The following KIAA1614 variants were observed in gnomAD, a reference collection of about 807,000 sequenced individuals.
KIAA1614 encodes the protein uncharacterized protein KIAA1614.
A neutral mutation model predicts 88.7 loss-of-function variants in KIAA1614; 76 were observed. The observed-to-expected ratio is 0.86, with a 90% CI of 0.71 to 1.04. The LOEUF is 1.04. Ranked by LOEUF, KIAA1614 falls within the 50% of genes least tolerant of loss-of-function variation. The pLI is 0.00. For synonymous variants in KIAA1614, 714 were observed against 675.5 expected, an observed-to-expected ratio of 1.06 and a Z score of -0.88; for missense variants, 1,553 against 1,582.5, an observed-to-expected ratio of 0.98 and a Z score of 0.32.
chr1:180,927,228 C>A (rs1218307045), intron 3 of KIAA1614, among the ~76,000 whole-genome samples: 1 of 152,136 alleles, frequency 6.6e-6, no homozygotes, highest in Non-Finnish European at 1.5e-5. Context: ...AGATCAGGAC[C>A]TGCTGGAGCC....
intron 3 of KIAA1614, among the ~76,000 whole-genome samples, chr1:180,925,680 G>A (rs1472077592): frequency 6.6e-6 from 1 of 152,226 alleles, no homozygotes; most frequent in African/African-American, 2.4e-5. Flanking sequence ...GGCCGAGACG[G>A]GAGTGCCCAG....
chr1:180,920,723 C>CG (rs386368886), intron 3 of KIAA1614, among the ~76,000 whole-genome samples: 1 of 104,092 alleles, frequency 9.6e-6, no homozygotes, highest in Non-Finnish European at 2.0e-5. Context: ...GGGCTGGGGG[C>CG]GGGCTGGGGC....
At chr1:180,937,414 G>A (rs1457604026) in intron 5 of KIAA1614, among the ~76,000 whole-genome samples, 3 of 152,236 alleles carry the variant, frequency 2.0e-5, no homozygotes, top group Non-Finnish European at 4.4e-5. Flanking sequence ...GCTGCTGAAG[G>A]GTGTGGGTCT....
In KIAA1614 at chr1:180,942,001, G is replaced by GC. The variant is rs755766194; in HGVS notation, c.3159+720dup. ...ACTCATCCATCTACTGCAGGCACAC[G>GC]CCCCTCAGGGAGCCGCTCCCAATCC... On this transcript the variant is annotated intron_variant, in intron 7 of 8. Coordinates refer to ENST00000367588, the MANE Select transcript of KIAA1614 (RefSeq NM_020950.2). Among the ~76,000 whole-genome samples the GC allele has an allele frequency of 8.5e-5, 13 of 152,098 alleles. No individual in the cohort carries two copies. In the South Asian group the frequency reaches 1.2e-3, roughly 15 times the overall value.
In KIAA1614 at chr1:180,946,854, A is replaced by C. The variant is rs1654607943; in HGVS notation, c.*1266A>C. ...GTGTTATAGATACGGGGGATACAGCAGTAAATGGAACAGACCAAATCCCTA... is the reference window on the plus strand; with the variant it reads ...GTGTTATAGATACGGGGGATACAGCCGTAAATGGAACAGACCAAATCCCTA... On this transcript the variant is annotated 3_prime_UTR_variant, in exon 9 of 9. Transcript: ENST00000367588. 6.6e-6 allele frequency: 1 copy of C among 152,302 alleles called. No individual in the cohort carries two copies. Among genetic ancestry groups the C allele is most frequent in the African/African-American group, 2.4e-5 (1 of 41,478 alleles). 9.4% of individuals were successfully genotyped at this position (152,302 alleles called of 1,614,324 possible).
At position 180,916,690 on chromosome 1, in the gene KIAA1614, A is replaced by G. The variant is rs913704069; in HGVS notation, c.587A>G (p.Asp196Gly). 3 of 1,610,234 alleles carry G rather than the reference A, an allele frequency of 1.9e-6. No homozygotes were observed. The highest frequency in any genetic ancestry group is 2.5e-6 in the Non-Finnish European group (3 of 1,177,922). The change falls in exon 2 of 9, where the codon GAC becomes GGC. Residue 196 changes from aspartate (D) to glycine (G), a missense_variant. Coordinates refer to ENST00000367588, the MANE Select transcript of KIAA1614 (RefSeq NM_020950.2). Reference sequence around the variant, plus strand: ...CCAGAAGCCGAATGGACACTTCCTGACCATGACAGAGGTCCGCTGCTGGGG... The same window carrying G: ...CCAGAAGCCGAATGGACACTTCCTGGCCATGACAGAGGTCCGCTGCTGGGG... Reference protein sequence around the residue: ...WPPEAEWTLPDHDRGPLLGPS... With the variant: ...WPPEAEWTLPGHDRGPLLGPS...
Position 180,936,387 on chromosome 1 carries a change from C to T in KIAA1614, c.2478C>T (p.Ala826=), listed in dbSNP as rs1654334429. ...TTSPVSHRKA[A]LAGLLRLGDQ... is the part of the protein sequence containing the mutation. ...CGCCAGTGTCTCACAGGAAGGCAGCCCTGGCTGGACTGCTCAGGCTGGGTG... is the reference window on the plus strand; with the variant it reads ...CGCCAGTGTCTCACAGGAAGGCAGCTCTGGCTGGACTGCTCAGGCTGGGTG... The change falls in exon 5 of 9, where the codon GCC becomes GCT. Residue 826 remains alanine (A), a synonymous_variant. Transcript: ENST00000367588. 6.2e-7 allele frequency: 1 copy of T among 1,614,228 alleles called. No homozygotes were observed. The highest frequency in any genetic ancestry group is 1.6e-4 in the Middle Eastern group (1 of 6,062).
At position 180,941,176 on chromosome 1, in the gene KIAA1614, C is replaced by G; in HGVS notation, c.3050C>G (p.Ser1017Cys). 8 of 1,613,856 alleles carry G rather than the reference C, an allele frequency of 5.0e-6. No homozygotes were observed. The highest frequency in any genetic ancestry group is 6.8e-6 in the Non-Finnish European group (8 of 1,179,962). ...CTCTTCTCAGCCCTGGGCCAGAGTT[C>G]CCGGCCCAAGCTGGGCAAGTCCCGC... ...KKLFSALGQS[S>C]RPKLGKSRSY... The change falls in exon 7 of 9, where the codon TCC becomes TGC. Residue 1017 changes from serine to cysteine, a missense_variant. Coordinates refer to ENST00000367588, the MANE Select transcript of KIAA1614 (RefSeq NM_020950.2).
At chr1:180,934,842 ACT>A (rs753886786) in intron 4 of KIAA1614, among the ~76,000 whole-genome samples, 21 of 152,070 alleles carry the variant, frequency 1.4e-4, no homozygotes, top group Non-Finnish European at 2.4e-4. Context: ...TTTCATCTTA[ACT>A]CAGGCTGAGC....
At chr1:180,921,218 C>CGG (rs61341839) in intron 3 of KIAA1614, among the ~76,000 whole-genome samples, 42 of 149,082 alleles carry the variant, frequency 2.8e-4, no homozygotes, top group African/African-American at 5.0e-4. Context: ...CGGGCAGGGG[C>CGG]GGGGGGTCAC....
intron 4 of KIAA1614, among the ~76,000 whole-genome samples, chr1:180,930,245 C>A (rs3845418): frequency 0.25 from 37,826 of 151,928 alleles, 4,855 homozygotes; most frequent in Middle Eastern, 0.3. Flanking sequence ...TGGTGAAACC[C>A]CGTCTCTACT....
rs1204273750 is a variant in KIAA1614 at position 180,935,043 on chromosome 1, G to A, written c.1206-72G>A. On this transcript the variant is annotated intron_variant, in intron 4 of 8. Coordinates refer to ENST00000367588, the MANE Select transcript of KIAA1614 (RefSeq NM_020950.2). This position sits in a 1 kb window ranked among gnomAD's most constrained non-coding sequence, Gnocchi z 6.1. ...GGAGACTGTAGCCCAGGGTGGAGAG[G>A]GTAGGGCCGATGCGTGTCCATACCT... is the stretch of plus-strand genomic sequence containing the variant. The A allele has an allele frequency of 3.6e-6, 4 of 1,112,444 alleles. No homozygotes were observed. Among genetic ancestry groups the A allele is most frequent in the Non-Finnish European group, 4.7e-6 (4 of 843,732 alleles). The allele number at this position is 1,112,444 out of a possible 1,614,324, so 68.9% of individuals were successfully genotyped here. A position where few individuals can be genotyped will look rare whatever the true frequency, so the allele number is the denominator to read the frequency against.
At chr1:180,924,886 A>AAATAAAT (rs1553258599) in intron 3 of KIAA1614, among the ~76,000 whole-genome samples, 2 of 142,640 alleles carry the variant, frequency 1.4e-5, no homozygotes, top group Admixed American at 1.4e-4. Flanking sequence ...GCTAATGATA[A>AAATAAAT]AATAATAATA....
At chr1:180,915,351 G>A (rs1346754108) in intron 1 of KIAA1614, among the ~76,000 whole-genome samples, 1 of 152,108 alleles carries the variant, frequency 6.6e-6, no homozygotes, top group Non-Finnish European at 1.5e-5. Context: ...ATCCTCATTG[G>A]CTCCCCTTGG....
intron 7 of KIAA1614, among the ~76,000 whole-genome samples, chr1:180,942,130 T>A (rs913831938): frequency 6.4e-5 from 9 of 141,188 alleles, no homozygotes; most frequent in Admixed American, 2.3e-4. Flanking sequence ...TTAGGCATCA[T>A]GTTTAGTTGG....
intron 4 of KIAA1614, among the ~76,000 whole-genome samples, chr1:180,929,740 C>G (rs1470861335): frequency 6.6e-6 from 1 of 152,240 alleles, no homozygotes; most frequent in African/African-American, 2.4e-5. Context: ...GATGAGGCCA[C>G]CAGGCTATGC....
chr1:180,919,171 C>T (rs1486904474), intron 3 of KIAA1614, among the ~76,000 whole-genome samples: 1 of 152,192 alleles, frequency 6.6e-6, no homozygotes. Context: ...CGTAGTCCTC[C>T]ACCCCCGCAC....
At chr1:180,914,914 G>A (rs1217045861) in intron 1 of KIAA1614, among the ~76,000 whole-genome samples, 2 of 151,918 alleles carry the variant, frequency 1.3e-5, no homozygotes, top group Admixed American at 1.3e-4. Context: ...GGATCCACCC[G>A]CCTCGGCCTC....
rs901536331 is a variant in KIAA1614, at chr1:180,928,553, C to T, written c.1185C>T (p.Pro395=). ...TCCGTGCCAGCCATGACATCGTGCCCACCATTACCCAGGGCAGCCGGTGAG... is the reference window on the plus strand; with the variant it reads ...TCCGTGCCAGCCATGACATCGTGCCTACCATTACCCAGGGCAGCCGGTGAG... The part of the protein sequence containing the change: ...RPLRASHDIV[P]TITQGSRDGH... Residue 395 remains proline, a synonymous_variant, in exon 4 of 9, where the codon CCC becomes CCT. Transcript: ENST00000367588. 4 of 1,612,606 alleles carry T rather than the reference C, an allele frequency of 2.5e-6. No homozygotes were observed. Among genetic ancestry groups the T allele is most frequent in the Non-Finnish European group, 3.4e-6 (4 of 1,179,702 alleles).
Sources: gnomAD v4.1 joint callset for allele counts (sites outside exome capture counted in the v4.1 genomes callset) on GRCh38, gnomAD v4.1.1 for gene constraint, Gnocchi (gnomAD v3.1) non-coding constraint, MANE v1.5 for transcripts, NCBI Gene and HGNC (gene_info 2026-07-23, HGNC 2026-07-21) for gene names.